Variants in ELOVL6 observed in about 807,000 individuals in gnomAD.
The protein encoded by ELOVL6 is very long chain fatty acid elongase 6.
ELOVL6 carries 8 observed loss-of-function variants against 31.7 expected under a neutral mutation model. The ratio of observed to expected loss-of-function variants is 0.25; its 90% CI spans 0.15 to 0.45. The LOEUF is 0.45. ELOVL6 is among the 20% of genes least tolerant of loss of function. ELOVL6 has a pLI of 1.00. For synonymous variants in ELOVL6, 101 were observed against 117.7 expected, an observed-to-expected ratio of 0.86 and a Z score of 0.92; for missense variants, 126 against 326.4, an observed-to-expected ratio of 0.39 and a Z score of 4.73.
intron 1 of ELOVL6, among the ~76,000 whole-genome samples, chr4:110,180,008 G>A (rs947415498): frequency 6.6e-6 from 1 of 152,194 alleles, no homozygotes; most frequent in East Asian, 1.9e-4. Context: ...TGCTCTGTGG[G>A]GAAGAAATAT....
chr4:110,133,864 T>G (rs1400434787), intron 1 of ELOVL6, among the ~76,000 whole-genome samples: 1 of 152,214 alleles, frequency 6.6e-6, no homozygotes, highest in Non-Finnish European at 1.5e-5. Flanking sequence ...ACTTAAAGCT[T>G]CTCTAAAAAT....
intron 1 of ELOVL6, among the ~76,000 whole-genome samples, chr4:110,124,228 A>G (rs569795243): frequency 1.3e-5 from 2 of 152,354 alleles, no homozygotes; most frequent in Admixed American, 6.5e-5. Flanking sequence ...AAATTATTCT[A>G]TTATAATGAA....
rs116648957 is a variant in ELOVL6 at position 110,196,580 on chromosome 4, C to T, written c.89+1667G>A. On this transcript the variant is annotated intron_variant, in intron 1 of 3. Transcript: ENST00000302274. ...TTAGTGTCCAACCTCCTTCCGGACCCACCCCTGCACCCCCTGGCCTCAGCG... is the reference window on the plus strand; with the variant it reads ...TTAGTGTCCAACCTCCTTCCGGACCTACCCCTGCACCCCCTGGCCTCAGCG... Among the ~76,000 whole-genome samples the T allele has an allele frequency of 5.2e-3, 799 of 152,358 alleles. 6 individuals are homozygous for T. Among genetic ancestry groups the T allele is most frequent in the African/African-American group, 0.018 (741 of 41,598 alleles).
chr4:110,088,416 T>G (rs1467350686), intron 2 of ELOVL6, among the ~76,000 whole-genome samples: 1 of 152,174 alleles, frequency 6.6e-6, no homozygotes, highest in Non-Finnish European at 1.5e-5. Context: ...ACATTTCTGT[T>G]CATGTCTTCC....
intron 1 of ELOVL6, among the ~76,000 whole-genome samples, chr4:110,115,989 G>A (rs555037864): frequency 5.3e-5 from 8 of 152,092 alleles, no homozygotes; most frequent in East Asian, 1.9e-4. Context: ...CCATGGTCAC[G>A]TCACCTTATC....
At chr4:110,158,351 C>T (rs1240205990) in intron 1 of ELOVL6, among the ~76,000 whole-genome samples, 2 of 151,974 alleles carry the variant, frequency 1.3e-5, no homozygotes, top group African/African-American at 4.8e-5. Context: ...TTTAACTAAA[C>T]ATCATGTGCT....
chr4:110,147,750 C>A (rs373918597), intron 1 of ELOVL6, among the ~76,000 whole-genome samples: 37 of 151,588 alleles, frequency 2.4e-4, no homozygotes, highest in African/African-American at 8.5e-4. Context: ...GTGACTGAGC[C>A]ACTGCACTGC....
At chr4:110,183,937 G>C (rs1018016637) in intron 1 of ELOVL6, among the ~76,000 whole-genome samples, 1 of 152,096 alleles carries the variant, frequency 6.6e-6, no homozygotes, top group East Asian at 1.9e-4. Flanking sequence ...AGCTGAGATC[G>C]TACCACTGTA....
intron 1 of ELOVL6, among the ~76,000 whole-genome samples, chr4:110,191,662 G>A (rs1329765220): frequency 6.6e-6 from 1 of 152,120 alleles, no homozygotes; most frequent in Admixed American, 6.6e-5. Flanking sequence ...CCAGAATGGT[G>A]CCACACTCAT....
chr4:110,155,380 G>A (rs372516438), intron 1 of ELOVL6, among the ~76,000 whole-genome samples: 1 of 151,778 alleles, frequency 6.6e-6, no homozygotes, highest in East Asian at 1.9e-4. Context: ...GAGACTGAGA[G>A]CATAGGAAAC....
At chr4:110,110,596 A>G (rs1313729050) in intron 1 of ELOVL6, among the ~76,000 whole-genome samples, 1 of 151,796 alleles carries the variant, frequency 6.6e-6, no homozygotes, top group Non-Finnish European at 1.5e-5. Context: ...GGATCCCAGT[A>G]TGCTGGCCAG....
chr4:110,056,792 T>G (rs1754997732), intron 3 of ELOVL6, among the ~76,000 whole-genome samples: 1 of 152,174 alleles, frequency 6.6e-6, no homozygotes. Context: ...CCACTCCTGT[T>G]GACTGCAAAT....
chr4:110,183,237 C>A (rs1333389471), intron 1 of ELOVL6, among the ~76,000 whole-genome samples: 1 of 152,158 alleles, frequency 6.6e-6, no homozygotes, highest in Non-Finnish European at 1.5e-5. Context: ...TTATCTTAAC[C>A]CAGACACTCT....
Position 110,198,329 on chromosome 4 carries a change from T to G in ELOVL6, c.7A>C (p.Met3Leu). The stretch of plus-strand genomic sequence containing the variant: ...TATTCTTGTAAAGTCAACACTGACA[T>G]GTTCATTGGGGCTGATCTTCGGAGT... MN[M>L]SVLTLQEYEF... Residue 3 changes from methionine (M) to leucine (L), a missense_variant, in exon 1 of 4, where the codon ATG becomes CTG. By Grantham distance (15) the Met-to-Leu change is conservative. Coordinates refer to ENST00000302274, the MANE Select transcript of ELOVL6 (RefSeq NM_024090.3). 2 of 1,600,252 alleles carry G rather than the reference T, an allele frequency of 1.2e-6. No homozygotes were observed. The highest frequency in any genetic ancestry group is 1.7e-6 in the Non-Finnish European group (2 of 1,167,700).
intron 1 of ELOVL6, among the ~76,000 whole-genome samples, chr4:110,137,053 TC>T (rs947531730): frequency 1.3e-5 from 2 of 152,162 alleles, no homozygotes; most frequent in Non-Finnish European, 2.9e-5. Context: ...AATGGTACCT[TC>T]AGAAATTTTA....
chr4:110,163,783 G>C (rs1435162672), intron 1 of ELOVL6, among the ~76,000 whole-genome samples: 1 of 152,230 alleles, frequency 6.6e-6, no homozygotes, highest in Non-Finnish European at 1.5e-5. Context: ...AAAGAAGAGA[G>C]ATATTCCAGT....
chr4:110,061,573 T>G (rs924227057), intron 2 of ELOVL6, among the ~76,000 whole-genome samples: 3 of 123,606 alleles, frequency 2.4e-5, no homozygotes, highest in Non-Finnish European at 4.8e-5. Context: ...TTTTTTTTTT[T>G]TGAGACAGAA....
At chr4:110,105,963 T>C (rs1310801864) in intron 1 of ELOVL6, among the ~76,000 whole-genome samples, 1 of 152,254 alleles carries the variant, frequency 6.6e-6, no homozygotes, top group Non-Finnish European at 1.5e-5. Flanking sequence ...CTTTAGAGTT[T>C]GTTGAGCCAA....
At chr4:110,121,591 C>T (rs901289602) in intron 1 of ELOVL6, among the ~76,000 whole-genome samples, 5 of 152,106 alleles carry the variant, frequency 3.3e-5, no homozygotes, top group East Asian at 1.9e-4. Flanking sequence ...CCCAGCTACT[C>T]GGGAGGCTGA....
Sources: gnomAD v4.1 joint callset for allele counts (sites outside exome capture counted in the v4.1 genomes callset) on GRCh38, gnomAD v4.1.1 for gene constraint, MANE v1.5 for transcripts, NCBI Gene and HGNC (gene_info 2026-07-23, HGNC 2026-07-21) for gene names.